The following WWOX variants were observed in gnomAD, a reference collection of about 807,000 sequenced individuals.
WWOX encodes WW domain-containing oxidoreductase.
In WWOX, 69 loss-of-function variants were observed where a neutral mutation model predicts 46.2. The observed-to-expected ratio is 1.49, with a 90% CI of 1.23 to 1.82. The LOEUF is 1.82. WWOX is among the 40% of genes most tolerant of loss of function. WWOX has a pLI of 0.00. For missense variants in WWOX, 919 were observed against 542.6 expected (o/e 1.69, Z -6.89); for synonymous variants, 359 against 202.6 (o/e 1.77, Z -6.56).
At chr16:78,702,002 T>A (rs1375181611) in intron 8 of WWOX, among the ~76,000 whole-genome samples, 16 of 89,092 alleles carry the variant, frequency 1.8e-4, no homozygotes, top group Admixed American at 1.3e-4. Flanking sequence ...CTGGGCTACA[T>A]AAAATTATAT....
At chr16:78,163,377 T>G (rs1275248378) in intron 4 of WWOX, among the ~76,000 whole-genome samples, 1 of 152,234 alleles carries the variant, frequency 6.6e-6, no homozygotes, top group East Asian at 1.9e-4. Context: ...TATAACTCTT[T>G]AGGATCCCGA....
chr16:78,738,821 C>G lies in WWOX; in HGVS notation c.1056+306069C>G, dbSNP rs545524233. Reference sequence around the variant, plus strand: ...GACCACAAAGCCACAGTCTCCTAGTCCTAATATTAAGAGGTAGGAGGTAGA... The same window carrying G: ...GACCACAAAGCCACAGTCTCCTAGTGCTAATATTAAGAGGTAGGAGGTAGA... On this transcript the variant is annotated intron_variant, in intron 8 of 8. Transcript: ENST00000566780. Among the ~76,000 whole-genome samples, 8 of 152,228 alleles carry G rather than the reference C, an allele frequency of 5.3e-5. No homozygotes were observed. In the South Asian group the frequency reaches 1.2e-3, roughly 24 times the overall value.
At chr16:78,188,502 A>AT (rs2035781106) in intron 5 of WWOX, among the ~76,000 whole-genome samples, 1 of 151,976 alleles carries the variant, frequency 6.6e-6, no homozygotes. Context: ...AAAAAAAAAA[A>AT]AAATAGTAGA....
intron 8 of WWOX, among the ~76,000 whole-genome samples, chr16:78,479,556 T>C (rs557540899): frequency 2.0e-5 from 3 of 152,342 alleles, no homozygotes; most frequent in African/African-American, 7.2e-5. Context: ...GAATAAGATA[T>C]TTTCATAGTG....
At chr16:78,913,315 C>G (rs1469524640) in intron 8 of WWOX, among the ~76,000 whole-genome samples, 3 of 151,990 alleles carry the variant, frequency 2.0e-5, no homozygotes, top group Admixed American at 6.6e-5. Flanking sequence ...CATGGTTAGA[C>G]TGCATTTTTG....
At chr16:78,644,997 T>G (rs1054030578) in intron 8 of WWOX, among the ~76,000 whole-genome samples, 1 of 152,178 alleles carries the variant, frequency 6.6e-6, no homozygotes, top group African/African-American at 2.4e-5. Context: ...TTCAATGAGT[T>G]TAAGATGAAG....
chr16:78,352,027 T>A (rs931856048), intron 5 of WWOX, among the ~76,000 whole-genome samples: 2 of 152,232 alleles, frequency 1.3e-5, no homozygotes, highest in African/African-American at 4.8e-5. Flanking sequence ...CAGTTGATGA[T>A]CCAGAGCTTT....
chr16:79,120,809 C>T (rs1358549036), intron 8 of WWOX, among the ~76,000 whole-genome samples: 1 of 152,206 alleles, frequency 6.6e-6, no homozygotes, highest in African/African-American at 2.4e-5. Flanking sequence ...CACTCTGTTG[C>T]CCCGGCTGGA....
At chr16:78,509,473 C>T (rs963346596) in intron 8 of WWOX, among the ~76,000 whole-genome samples, 4 of 151,768 alleles carry the variant, frequency 2.6e-5, no homozygotes, top group African/African-American at 9.7e-5. Context: ...TAATAATAAT[C>T]GCACCTCAAT....
intron 8 of WWOX, among the ~76,000 whole-genome samples, chr16:78,725,440 C>T (rs1198417693): frequency 4.1e-5 from 6 of 146,786 alleles, no homozygotes; most frequent in African/African-American, 1.5e-4. Flanking sequence ...CTCCACTTCC[C>T]GGATTTAAGC....
chr16:78,465,713 T>C lies in WWOX; in HGVS notation c.1056+32961T>C, dbSNP rs1452885158. ...GTAAATTTAGCATATTTCCTTTTAA[T>C]TGCCCAGGTAAATAATACCCACCAT... On this transcript the variant is annotated intron_variant, in intron 8 of 8. Transcript: ENST00000566780. 5.3e-5 allele frequency among the ~76,000 whole-genome samples: 8 copies of C among 152,362 alleles called. No individual in the cohort carries two copies. In the East Asian group the frequency reaches 1.4e-3, roughly 26 times the overall value.
intron 8 of WWOX, among the ~76,000 whole-genome samples, chr16:79,013,046 G>A (rs1332217267): frequency 6.6e-6 from 1 of 152,204 alleles, no homozygotes; most frequent in Non-Finnish European, 1.5e-5. Context: ...GTCAGCCTGA[G>A]CAACAGAGCA....
At chr16:78,406,566 G>T (rs2082551865) in intron 6 of WWOX, among the ~76,000 whole-genome samples, 1 of 150,352 alleles carries the variant, frequency 6.7e-6, no homozygotes, top group African/African-American at 2.4e-5. Context: ...GGCGAGGATG[G>T]TCTCAGTCTC....
intron 5 of WWOX, among the ~76,000 whole-genome samples, chr16:78,371,878 G>A (rs2081698556): frequency 6.6e-6 from 1 of 152,018 alleles, no homozygotes; most frequent in Non-Finnish European, 1.5e-5. Context: ...TAGCTGCTAG[G>A]ACAAAATATT....
At chr16:79,163,795 C>CAAAAA (rs66922536) in intron 8 of WWOX, among the ~76,000 whole-genome samples, 3 of 102,260 alleles carry the variant, frequency 2.9e-5, no homozygotes, top group African/African-American at 4.1e-5. Flanking sequence ...AACTCCACCT[C>CAAAAA]AAAAAAAAAA....
intron 8 of WWOX, among the ~76,000 whole-genome samples, chr16:78,513,903 C>A (rs530253808): frequency 7.3e-5 from 11 of 149,898 alleles, no homozygotes; most frequent in African/African-American, 1.7e-4. Flanking sequence ...CTCCCCCCCC[C>A]CCCACTTGTA....
chr16:78,515,736 C>T (rs986836250), intron 8 of WWOX, among the ~76,000 whole-genome samples: 12 of 152,152 alleles, frequency 7.9e-5, no homozygotes, highest in African/African-American at 1.4e-4. Flanking sequence ...CCTAGGTCTG[C>T]GTGTTCAGCA....
intron 8 of WWOX, among the ~76,000 whole-genome samples, chr16:78,931,882 T>TG (rs936782813): frequency 6.6e-6 from 1 of 152,166 alleles, no homozygotes; most frequent in Non-Finnish European, 1.5e-5. Context: ...AATTGGATCA[T>TG]GGGGGTGGGT....
At chr16:78,927,106 T>C (rs906887724) in intron 8 of WWOX, among the ~76,000 whole-genome samples, 5 of 152,218 alleles carry the variant, frequency 3.3e-5, no homozygotes, top group African/African-American at 1.2e-4. Context: ...CAGGCACCAT[T>C]CTTGACTGCG....
Sources: allele counts gnomAD v4.1 joint callset (sites outside exome capture counted in the v4.1 genomes callset), GRCh38; gene constraint gnomAD v4.1.1; transcripts MANE v1.5; gene names NCBI Gene and HGNC (gene_info 2026-07-23, HGNC 2026-07-21).